Variants in KRT5 observed in about 807,000 individuals in gnomAD.
KRT5 encodes keratin 5, also known as keratin, type II cytoskeletal 5.
KRT5 carries 17 observed loss-of-function variants against 44.0 expected under a neutral mutation model. That is an observed-to-expected ratio of 0.39 (90% CI 0.26 to 0.58). The LOEUF (loss-of-function observed/expected upper bound fraction) is 0.58. Among genes scored for constraint, KRT5 ranks in the 20% least tolerant of loss-of-function variants. The pLI is 0.61. For missense variants in KRT5, 737 were observed against 785.5 expected (o/e 0.94, Z 0.74); for synonymous variants, 329 against 312.8 (o/e 1.05, Z -0.55).
Position 52,517,943 on chromosome 12 carries a change from T to C in KRT5, c.881A>G (p.Asp294Gly), listed in dbSNP as rs1370579888. The change falls in exon 4 of 9, where the codon GAT (aspartate) becomes GGT (glycine). Residue 294 changes from aspartate (D) to glycine (G), a missense_variant. Coordinates refer to ENST00000252242, the MANE Select transcript of KRT5 (RefSeq NM_000424.4). ...GAAGTTAATCTCATCCATCAGTGCA[T>C]CAACCTTGGCCTCCAGCTCCACCTT... ...MNKVELEAKVDALMDEINFMK... is the reference protein window; with the variant it reads ...MNKVELEAKVGALMDEINFMK... The C allele has an allele frequency of 6.2e-7, 1 of 1,614,246 alleles. No individual in the cohort carries two copies. Among genetic ancestry groups the C allele is most frequent in the South Asian group, 1.1e-5 (1 of 91,090 alleles).
At chr12:52,517,514 C>G in intron 5 of KRT5, 76 bp downstream of exon 5, 2 of 1,506,744 alleles carry the variant, frequency 1.3e-6, no homozygotes, top group Non-Finnish European at 1.8e-6. Flanking sequence ...GAGCCCCATT[C>G]TTAGTGTCGT....
At chr12:52,517,551 G>A (rs1033234838) in intron 5 of KRT5, 39 bp downstream of exon 5, 20 of 1,591,944 alleles carry the variant, frequency 1.3e-5, no homozygotes, top group Non-Finnish European at 1.4e-5. Context: ...AGACATGGGT[G>A]TGTCCCCTCA....
intron 8 of KRT5, chr12:52,515,575 T>C: frequency 1.6e-6 from 1 of 638,922 alleles, no homozygotes; most frequent in Non-Finnish European, 2.8e-6. Context: ...CCAAGAAGCA[T>C]AGGATGCATG....
chr12:52,518,098 C>A lies in KRT5; in HGVS notation c.831+5G>T. On this transcript the variant is annotated splice_donor_5th_base_variant and intron_variant, in intron 3 of 8. Coordinates refer to ENST00000252242, the MANE Select transcript of KRT5 (RefSeq NM_000424.4). ...GGCTGCTGGTTCTCTCCCACCCACA[C>A]GCACCTTCTTCAGCATCACAAACTC... 1 of 1,614,204 alleles carries A rather than the reference C, an allele frequency of 6.2e-7. No individual in the cohort carries two copies. Among genetic ancestry groups the A allele is most frequent in the East Asian group, 2.2e-5 (1 of 44,886 alleles).
At chr12:52,517,832 A>G in intron 4 of KRT5, 65 bp downstream of exon 4, 1 of 1,608,544 alleles carries the variant, frequency 6.2e-7, no homozygotes, top group Admixed American at 1.7e-5. Flanking sequence ...TCTTTCACTC[A>G]TTGTGATATG....
Position 52,520,316 on chromosome 12 carries a change from A to T in KRT5, c.-20T>A. 1.2e-6 allele frequency: 2 copies of T among 1,611,206 alleles called. No homozygotes were observed. Among genetic ancestry groups the T allele is most frequent in the Non-Finnish European group, 1.7e-6 (2 of 1,179,174 alleles). On this transcript the variant is annotated 5_prime_UTR_variant, in exon 1 of 9. Coordinates refer to ENST00000252242, the MANE Select transcript of KRT5 (RefSeq NM_000424.4). ...AGACATGGTGGCTTGTTCCTGGTGG[A>T]GCAAGAGAACCAGGCACTAGTGGGT...
chr12:52,516,498 G>A (rs1383546305), intron 7 of KRT5, 139 bp downstream of exon 7: 2 of 906,296 alleles, frequency 2.2e-6, no homozygotes, highest in African/African-American at 1.6e-5. Context: ...ATGGCCATGA[G>A]TCAGACTGAA....
Position 52,517,181 on chromosome 12 carries a change from T to C in KRT5, c.1144A>G (p.Thr382Ala), listed in dbSNP as rs1167883150. ...AGRHGDDLRNTKHEISEMNRM... is the reference protein window; with the variant it reads ...AGRHGDDLRNAKHEISEMNRM... ...TTCATCTCAGAGATCTCATGCTTGG[T>C]GTTGCGGAGGTCATCGCCATGCCGG... Residue 382 changes from threonine (T) to alanine (A), a missense_variant, in exon 6 of 9, where the codon ACC (threonine) becomes GCC (alanine). Around this residue, in one of 5 missense-constraint regions of KRT5, gnomAD observed 344 missense variants for 351.6 expected, o/e 0.98. Coordinates refer to ENST00000252242, the MANE Select transcript of KRT5 (RefSeq NM_000424.4). The C allele has an allele frequency of 6.2e-7, 1 of 1,613,990 alleles. No individual in the cohort carries two copies.
rs59115483 is a variant in KRT5, at chr12:52,519,789, C to T, written c.508G>A (p.Glu170Lys). The T allele has an allele frequency of 1.6e-5, 26 of 1,613,946 alleles. No individual in the cohort carries two copies. Among genetic ancestry groups the T allele is most frequent in the Admixed American group, 1.7e-5 (1 of 59,996 alleles). The stretch of plus-strand genomic sequence containing the variant: ...TTATTGTTGAGGGTCTTGATCTGCT[C>T]GCGCTCCTCGGTCCTCACCCTCTGG... ...SIQRVRTEER[E>K]QIKTLNNKFA... The change falls in exon 1 of 9, where the codon GAG (glutamate) becomes AAG (lysine). Residue 170 changes from glutamate to lysine, a missense_variant. This residue lies in a region of KRT5 where 326 missense variants were observed against 333.1 expected (regional missense o/e 0.98). Coordinates refer to ENST00000252242, the MANE Select transcript of KRT5 (RefSeq NM_000424.4).
rs766581787 is a variant in KRT5 at position 52,520,183 on chromosome 12, G to C, written c.114C>G (p.Ser38=). The C allele has an allele frequency of 2.5e-6, 4 of 1,613,964 alleles. No homozygotes were observed. The highest frequency in any genetic ancestry group is 3.4e-6 in the Non-Finnish European group (4 of 1,179,872). The change falls in exon 1 of 9, where the codon TCC becomes TCG. Residue 38 remains serine, a synonymous_variant. Transcript: ENST00000252242. ...SRTSFTSVSR[S]GGGGGGGFGR... ...CGAAGCCACCACCACCGCCACCCCC[G>C]GACCGGGACACGGAGGTGAAGCTGG...
Position 52,520,150 on chromosome 12 carries a change from G to C in KRT5, c.147C>G (p.Val49=). The C allele has an allele frequency of 6.2e-7, 1 of 1,613,864 alleles. No individual in the cohort carries two copies. Among genetic ancestry groups the C allele is most frequent in the Non-Finnish European group, 8.5e-7 (1 of 1,179,852 alleles). The change falls in exon 1 of 9, where the codon GTC becomes GTG. Residue 49 remains valine (V), a synonymous_variant. Coordinates refer to ENST00000252242, the MANE Select transcript of KRT5 (RefSeq NM_000424.4). Reference sequence around the variant, plus strand: ...CCACTCCACAAGCACCCGCAAGGCTGACCCTGCCGAAGCCACCACCACCGC... The same window carrying C: ...CCACTCCACAAGCACCCGCAAGGCTCACCCTGCCGAAGCCACCACCACCGC... ...GGGGGGGFGR[V]SLAGACGVGG...
intron 1 of KRT5, 26 bp downstream of exon 1, chr12:52,519,716 A>G (rs771292365): frequency 6.2e-7 from 1 of 1,608,128 alleles, no homozygotes; most frequent in Admixed American, 1.7e-5. Context: ...ACCCACAGTG[A>G]TTTTTTACAA....
chr12:52,517,363 G>C (rs967838892), intron 5 of KRT5, 131 bp from the exon 6 acceptor site: 21 of 1,181,244 alleles, frequency 1.8e-5, no homozygotes, highest in Non-Finnish European at 2.4e-5. Flanking sequence ...CCAAGGCTGA[G>C]CTAGTCTAGT....
chr12:52,519,997 A>G lies in KRT5; in HGVS notation c.300T>C (p.Gly100=), dbSNP rs927242223. The change falls in exon 1 of 9, where the codon GGT becomes GGC. Residue 100 remains glycine (G), a synonymous_variant. Transcript: ENST00000252242. ...CGCCGAAACCAAATCCACTACCGGC[A>G]CCACCTCCAAAGCCATAGCCGCCTC... ...GAGGGYGFGG[G]AGSGFGFGGG... The G allele has an allele frequency of 8.1e-6, 13 of 1,613,716 alleles. No individual in the cohort carries two copies. The highest frequency in any genetic ancestry group is 1.0e-5 in the Non-Finnish European group (12 of 1,179,946).
In KRT5 at chr12:52,518,113, A is replaced by G. The variant is rs747325105; in HGVS notation, c.821T>C (p.Met274Thr). ...CCCACCCACACGCACCTTCTTCAGC[A>G]TCACAAACTCATTCTCAGCAGTGGT... The part of the protein sequence containing the change: ...KRTTAENEFV[M>T]LKKDVDAAYM... The change falls in exon 3 of 9, where the codon ATG (methionine) becomes ACG (threonine). Residue 274 changes from methionine to threonine, a missense_variant. Transcript: ENST00000252242. 12 of 1,614,118 alleles carry G rather than the reference A, an allele frequency of 7.4e-6. No individual in the cohort carries two copies. Among genetic ancestry groups the G allele is most frequent in the Middle Eastern group, 1.6e-4 (1 of 6,084 alleles).
At position 52,516,848 on chromosome 12, in the gene KRT5, G is replaced by A; in HGVS notation, c.1228C>T (p.Leu410=). ...TCGGCATCCGCAATGGCGTTCTGCA[G>A]ATTGGCGCACTACAGATAGAAAGGA... ...IDNVKKQCAN[L]QNAIADAEQR... The change falls in exon 7 of 9, where the codon CTG becomes TTG. Residue 410 remains leucine (L), a synonymous_variant. Transcript: ENST00000252242. The A allele has an allele frequency of 6.2e-7, 1 of 1,614,208 alleles. No homozygotes were observed. Among genetic ancestry groups the A allele is most frequent in the Non-Finnish European group, 8.5e-7 (1 of 1,180,036 alleles).
rs1938582924 is a variant in KRT5, at chr12:52,515,036, C to T, written c.1679G>A (p.Gly560Glu). 1 of 1,612,660 alleles carries T rather than the reference C, an allele frequency of 6.2e-7. No individual in the cohort carries two copies. The highest frequency in any genetic ancestry group is 1.7e-5 in the Admixed American group (1 of 59,892). Residue 560 changes from glycine (G) to glutamate (E), a missense_variant, in exon 9 of 9, where the codon GGG becomes GAG. Physicochemically the swap from Gly to Glu is moderately conservative, Grantham distance 98. Around this residue, in one of 5 missense-constraint regions of KRT5, gnomAD observed 344 missense variants for 351.6 expected, o/e 0.98. Transcript: ENST00000252242. ...GCCACTGCCAAAGCCCACCCCCAGC[C>T]CTCGGCCACTGCTTGCACTGAAGCC... Reference protein sequence around the residue: ...GSGFSASSGRGLGVGFGSGGG... With the variant: ...GSGFSASSGRELGVGFGSGGG...
At chr12:52,515,356 C>G in intron 8 of KRT5, 116 bp from the exon 9 acceptor site, 1 of 1,420,714 alleles carries the variant, frequency 7.0e-7, no homozygotes, top group Non-Finnish European at 9.8e-7. Flanking sequence ...TACAGAGTAG[C>G]AAACAAGGCC....
rs766016514 is a variant in KRT5, at chr12:52,515,187, CGCCATAGCCACT to C, written c.1516_1527del (p.Ser506_Gly509del). The C allele has an allele frequency of 1.9e-6, 3 of 1,611,764 alleles. No homozygotes were observed. In the East Asian group the frequency reaches 6.7e-5, roughly 36 times the overall value. ...CCGCCAAGACCTCCACCGAGGCCAC[CGCCATAGCCACT>C]GCCACTGCCATATCCAGAGGAAACA... On this transcript the variant is annotated inframe_deletion, in exon 9 of 9. Transcript: ENST00000252242.
Sources: allele counts gnomAD v4.1 joint callset, GRCh38; gene constraint gnomAD v4.1.1; regional missense constraint gnomAD v4.1.1; transcripts MANE v1.5; gene names NCBI Gene and HGNC (gene_info 2026-07-23, HGNC 2026-07-21).